ANKRD22: variants seen among roughly 807,000 people sequenced by gnomAD.
ANKRD22 encodes the protein ankyrin repeat domain-containing protein 22.
In ANKRD22, 24 loss-of-function variants were observed where a neutral mutation model predicts 25.7. The observed-to-expected ratio is 0.93, with a 90% CI of 0.68 to 1.31. ANKRD22 has a LOEUF of 1.31. Among genes scored for constraint, ANKRD22 ranks in the 50% most tolerant of loss-of-function variants. The probability of loss-of-function intolerance (pLI) is 0.00; values close to 1 mark genes in which losing one functional copy is unlikely to be tolerated. For synonymous variants in ANKRD22, 84 were observed against 84.3 expected, an observed-to-expected ratio of 1.00 and a Z score of 0.02; for missense variants, 214 against 227.1, an observed-to-expected ratio of 0.94 and a Z score of 0.37.
intron 1 of ANKRD22, among the ~76,000 whole-genome samples, chr10:88,837,800 C>G (rs1226679833): frequency 1.3e-5 from 2 of 152,162 alleles, no homozygotes; most frequent in Non-Finnish European, 2.9e-5. Flanking sequence ...GTGAATAAGT[C>G]TCACTAGATC....
intron 1 of ANKRD22, among the ~76,000 whole-genome samples, chr10:88,840,200 C>T (rs1487981574): frequency 6.6e-6 from 1 of 152,158 alleles, no homozygotes. Context: ...ACTCTGTTCA[C>T]TTCCATCTTA....
At chr10:88,829,060 G>T (rs1000508354) in intron 2 of ANKRD22, among the ~76,000 whole-genome samples, 1 of 152,172 alleles carries the variant, frequency 6.6e-6, no homozygotes, top group Non-Finnish European at 1.5e-5. Flanking sequence ...TTTGTGGTTT[G>T]TTCATAGGAA....
chr10:88,824,004 T>A (rs1843830285), intron 4 of ANKRD22, among the ~76,000 whole-genome samples: 1 of 152,194 alleles, frequency 6.6e-6, no homozygotes, highest in South Asian at 2.1e-4. Flanking sequence ...GCCTCGGTGA[T>A]CATCACCTTG....
intron 1 of ANKRD22, among the ~76,000 whole-genome samples, chr10:88,847,744 A>G (rs1379722530): frequency 6.6e-6 from 1 of 152,038 alleles, no homozygotes; most frequent in Non-Finnish European, 1.5e-5. Flanking sequence ...AGAGTAGAGA[A>G]AAAGCAAAAC....
chr10:88,822,870 CA>C lies in ANKRD22; in HGVS notation c.*70del. The C allele has an allele frequency of 2.1e-6, 3 of 1,432,426 alleles. No homozygotes were observed. The highest frequency in any genetic ancestry group is 2.8e-5 in the African/African-American group (2 of 70,572). The allele number at this position is 1,432,426 out of a possible 1,614,324, so 88.7% of individuals were successfully genotyped here. On this transcript the variant is annotated 3_prime_UTR_variant, in exon 6 of 6. Coordinates refer to ENST00000371930, the MANE Select transcript of ANKRD22 (RefSeq NM_144590.3). ...CATCCAGGTTAAATGGCCCACAGAC[CA>C]AAAGTCTAAAATGAAGATAGAATCC... is the stretch of plus-strand genomic sequence containing the variant.
chr10:88,833,917 G>A (rs921147786), intron 1 of ANKRD22, among the ~76,000 whole-genome samples: 4 of 152,216 alleles, frequency 2.6e-5, no homozygotes, highest in Non-Finnish European at 4.4e-5. Context: ...GGATGTAATT[G>A]TGGCTCTGTT....
At chr10:88,831,350 T>C (rs1843901357) in intron 2 of ANKRD22, among the ~76,000 whole-genome samples, 1 of 152,232 alleles carries the variant, frequency 6.6e-6, no homozygotes, top group African/African-American at 2.4e-5. Context: ...GCTCATGAGC[T>C]TATTTGTCCT....
At chr10:88,830,892 T>G (rs1409014867) in intron 2 of ANKRD22, among the ~76,000 whole-genome samples, 1 of 152,236 alleles carries the variant, frequency 6.6e-6, no homozygotes, top group African/African-American at 2.4e-5. Context: ...GATCCTATTA[T>G]AGTCCACGAT....
intron 1 of ANKRD22, among the ~76,000 whole-genome samples, chr10:88,835,736 T>G (rs562259082): frequency 6.6e-6 from 1 of 152,318 alleles, no homozygotes; most frequent in East Asian, 1.9e-4. Context: ...GGTGCATGAC[T>G]ATAATTTAAT....
At chr10:88,825,867 G>A (rs572220919) in intron 4 of ANKRD22, among the ~76,000 whole-genome samples, 171 bp downstream of exon 4, 3 of 152,026 alleles carry the variant, frequency 2.0e-5, no homozygotes, top group African/African-American at 7.2e-5. Context: ...GAGTTCAGCA[G>A]AATATAAATA....
intron 1 of ANKRD22, among the ~76,000 whole-genome samples, chr10:88,832,693 C>G (rs1843918733): frequency 6.6e-6 from 1 of 152,076 alleles, no homozygotes; most frequent in South Asian, 2.1e-4. Context: ...AAATAATATA[C>G]AAATTATATG....
chr10:88,825,003 T>TCACACACACA (rs1429940409), intron 4 of ANKRD22, among the ~76,000 whole-genome samples: 9 of 91,266 alleles, frequency 9.9e-5, no homozygotes, highest in South Asian at 1.2e-3. Context: ...TCTCTCTCTC[T>TCACACACACA]CTCTCTCTCA....
chr10:88,846,439 G>A (rs1844049529), intron 1 of ANKRD22, among the ~76,000 whole-genome samples: 1 of 152,118 alleles, frequency 6.6e-6, no homozygotes, highest in Admixed American at 6.6e-5. Context: ...AAAAGCACAT[G>A]GAATAAGTAT....
intron 1 of ANKRD22, among the ~76,000 whole-genome samples, chr10:88,832,600 G>A (rs1294082509): frequency 6.6e-6 from 1 of 151,390 alleles, no homozygotes; most frequent in Non-Finnish European, 1.5e-5. Flanking sequence ...AGGAGTTTAG[G>A]GCAGTACTAG....
intron 1 of ANKRD22, among the ~76,000 whole-genome samples, chr10:88,834,592 A>C (rs1427156857): frequency 6.6e-6 from 1 of 152,230 alleles, no homozygotes; most frequent in African/African-American, 2.4e-5. Flanking sequence ...ACATTTAAAA[A>C]ACTAGAATAT....
rs550218950 is a variant in ANKRD22 at position 88,850,281 on chromosome 10, T to G, written c.21+1306A>C. 2.0e-5 allele frequency among the ~76,000 whole-genome samples: 3 copies of G among 152,114 alleles called. No individual in the cohort carries two copies. The South Asian group carries it at 6.2e-4, about 32-fold the overall frequency. On this transcript the variant is annotated intron_variant, in intron 1 of 5. Coordinates refer to ENST00000371930, the MANE Select transcript of ANKRD22 (RefSeq NM_144590.3). Reference sequence around the variant, plus strand: ...GATGAGACTAGGCTTTTTTTTTTCCTTTTTCCAAATCACATATAATTCCCA... The same window carrying G: ...GATGAGACTAGGCTTTTTTTTTTCCGTTTTCCAAATCACATATAATTCCCA...
At chr10:88,847,378 C>T (rs918246635) in intron 1 of ANKRD22, among the ~76,000 whole-genome samples, 3 of 152,148 alleles carry the variant, frequency 2.0e-5, no homozygotes, top group Non-Finnish European at 4.4e-5. Context: ...CCTGCCTCAG[C>T]CTCCCAAGTA....
At chr10:88,842,484 T>C (rs1844011559) in intron 1 of ANKRD22, among the ~76,000 whole-genome samples, 1 of 152,138 alleles carries the variant, frequency 6.6e-6, no homozygotes, top group African/African-American at 2.4e-5. Flanking sequence ...GGAGTGCCTA[T>C]AGTCCTTGAT....
intron 1 of ANKRD22, among the ~76,000 whole-genome samples, chr10:88,836,915 G>A (rs1480359918): frequency 6.6e-6 from 1 of 152,216 alleles, no homozygotes; most frequent in African/African-American, 2.4e-5. Flanking sequence ...CCATGCAGAG[G>A]CCAATTTTCA....
Sources: gnomAD v4.1 joint callset for allele counts (sites outside exome capture counted in the v4.1 genomes callset) on GRCh38, gnomAD v4.1.1 for gene constraint, MANE v1.5 for transcripts, NCBI Gene and HGNC (gene_info 2026-07-23, HGNC 2026-07-21) for gene names.